The following RAPGEF1 variants were observed in gnomAD, a reference collection of about 807,000 sequenced individuals.
RAPGEF1 encodes Rap guanine nucleotide exchange factor 1.
A neutral mutation model predicts 143.3 loss-of-function variants in RAPGEF1; 33 were observed. The ratio of observed to expected loss-of-function variants is 0.23; its 90% CI spans 0.17 to 0.31. The LOEUF is 0.31. Among genes scored for constraint, RAPGEF1 ranks in the 10% least tolerant of loss-of-function variants. The pLI is 1.00. For missense variants in RAPGEF1, 1,199 were observed against 1,645.4 expected (o/e 0.73, Z 4.69); for synonymous variants, 629 against 676.5 (o/e 0.93, Z 1.09).
chr9:131,634,668 A>C (rs986723842), intron 5 of RAPGEF1, among the ~76,000 whole-genome samples: 2 of 126,260 alleles, frequency 1.6e-5, no homozygotes, highest in Admixed American at 9.5e-5. Context: ...AGCCCAGATC[A>C]TGCCATTGCA....
At chr9:131,691,631 G>A (rs538392773) in intron 1 of RAPGEF1, among the ~76,000 whole-genome samples, 72 of 152,228 alleles carry the variant, frequency 4.7e-4, no homozygotes, top group Non-Finnish European at 7.8e-4. Context: ...GGAGATTCAT[G>A]GAAAGGATGG....
intron 12 of RAPGEF1, among the ~76,000 whole-genome samples, chr9:131,616,325 T>C (rs1392522261): frequency 6.6e-6 from 1 of 151,984 alleles, no homozygotes; most frequent in Non-Finnish European, 1.5e-5. Flanking sequence ...TTAATTAATA[T>C]GTGTGCAGAT....
rs111994872 is a variant in RAPGEF1 at position 131,628,432 on chromosome 9, C to T, written c.1017+117G>A. 1.6e-4 allele frequency: 217 copies of T among 1,372,196 alleles called. No individual in the cohort carries two copies. The African/African-American group carries it at 2.5e-3, about 16-fold the overall frequency. The allele number at this position is 1,372,196 out of a possible 1,614,324, so 85.0% of individuals were successfully genotyped here. A position where few individuals can be genotyped will look rare whatever the true frequency, so the allele number is the denominator to read the frequency against. ...GATGGGTACAAGGTCTCGCACTCCT[C>T]GATGTGACAAACACCAGCGCCTGAA... On this transcript the variant is annotated intron_variant, in intron 8 of 26. Transcript: ENST00000683357. This position sits in a 1 kb window ranked among gnomAD's most constrained non-coding sequence, Gnocchi z 5.7.
intron 1 of RAPGEF1, among the ~76,000 whole-genome samples, chr9:131,733,990 T>C: frequency 6.6e-6 from 1 of 152,264 alleles, no homozygotes. Flanking sequence ...CACACTTAGC[T>C]GGCATTAGTG....
intron 1 of RAPGEF1, among the ~76,000 whole-genome samples, chr9:131,724,367 A>G (rs1052309341): frequency 6.6e-6 from 1 of 152,194 alleles, no homozygotes; most frequent in African/African-American, 2.4e-5. Context: ...AGGCCGAGGC[A>G]GGTGGATCAC....
At chr9:131,708,226 T>C (rs1220207784) in intron 1 of RAPGEF1, among the ~76,000 whole-genome samples, 1 of 152,182 alleles carries the variant, frequency 6.6e-6, no homozygotes, top group Non-Finnish European at 1.5e-5. Context: ...AACACACCCA[T>C]ATATGCAGTT....
At chr9:131,615,691 G>A (rs866627507) in intron 12 of RAPGEF1, among the ~76,000 whole-genome samples, 1 of 152,070 alleles carries the variant, frequency 6.6e-6, no homozygotes, top group African/African-American at 2.4e-5. Flanking sequence ...TGACCTTCCC[G>A]AATGGATGCT....
chr9:131,649,505 T>C (rs188371082), intron 3 of RAPGEF1, among the ~76,000 whole-genome samples: 1 of 152,306 alleles, frequency 6.6e-6, no homozygotes, highest in African/African-American at 2.4e-5. Context: ...TTGCCACCTT[T>C]TTGCTGTGCG....
chr9:131,592,956 T>G (rs1237976706), intron 17 of RAPGEF1, among the ~76,000 whole-genome samples: 1 of 152,202 alleles, frequency 6.6e-6, no homozygotes, highest in Non-Finnish European at 1.5e-5. Context: ...TTGGCCAGGC[T>G]AGTCTCAAAC....
At chr9:131,672,550 ACT>A (rs1383936902) in intron 1 of RAPGEF1, among the ~76,000 whole-genome samples, 2 of 152,150 alleles carry the variant, frequency 1.3e-5, no homozygotes, top group African/African-American at 4.8e-5. Flanking sequence ...TGTGAGAAGC[ACT>A]GTTTCAGAAG....
At position 131,595,398 on chromosome 9, in the gene RAPGEF1, G is replaced by A. The variant is rs142588913; in HGVS notation, c.2689+900C>T. On this transcript the variant is annotated intron_variant, in intron 17 of 26. Transcript: ENST00000683357. ...TTCAGAAATTCCCCGAGTCACTCTG[G>A]GTCACATGTTTTGGGAAACGTGCTG... Among the ~76,000 whole-genome samples, 6 of 152,296 alleles carry A rather than the reference G, an allele frequency of 3.9e-5. No homozygotes were observed. In the East Asian group the frequency reaches 1.2e-3, roughly 29 times the overall value.
At chr9:131,608,726 G>T (rs1278225742) in intron 12 of RAPGEF1, among the ~76,000 whole-genome samples, 1 of 152,196 alleles carries the variant, frequency 6.6e-6, no homozygotes. Context: ...AAAACCTTCT[G>T]ATCACCATGA....
At chr9:131,666,329 C>G (rs1048932781) in intron 1 of RAPGEF1, among the ~76,000 whole-genome samples, 1 of 152,152 alleles carries the variant, frequency 6.6e-6, no homozygotes, top group Admixed American at 6.5e-5. Flanking sequence ...AACGGACTCT[C>G]TGGACCAGTA....
rs539391906 is a variant in RAPGEF1, at chr9:131,695,433, C to T, written c.61+44337G>A. On this transcript the variant is annotated intron_variant, in intron 1 of 26. Coordinates refer to ENST00000683357, the MANE Select transcript of RAPGEF1 (RefSeq NM_001377935.1). ...GTGTAGAAGGGCCTCTTGGCACAACCGAAAAAGAGCAAAGCCATCTGAAGC... is the reference window on the plus strand; with the variant it reads ...GTGTAGAAGGGCCTCTTGGCACAACTGAAAAAGAGCAAAGCCATCTGAAGC... Among the ~76,000 whole-genome samples, 13 of 152,236 alleles carry T rather than the reference C, an allele frequency of 8.5e-5. 1 individual carries two copies. Among genetic ancestry groups the T allele is most frequent in the African/African-American group, 2.4e-4 (10 of 41,526 alleles).
intron 1 of RAPGEF1, among the ~76,000 whole-genome samples, chr9:131,689,498 G>A (rs375202909): frequency 7.9e-5 from 12 of 152,012 alleles, no homozygotes; most frequent in African/African-American, 2.4e-4. Context: ...GTTTATAGAC[G>A]GATTAAATCA....
chr9:131,638,335 G>A (rs915691034), intron 5 of RAPGEF1, among the ~76,000 whole-genome samples: 15 of 152,170 alleles, frequency 9.9e-5, no homozygotes, highest in African/African-American at 3.4e-4. Flanking sequence ...TTGTGAAAAC[G>A]ATCTCCATTG....
intron 9 of RAPGEF1, 116 bp downstream of exon 9, chr9:131,627,797 A>G: frequency 9.2e-7 from 1 of 1,089,738 alleles, no homozygotes; most frequent in Non-Finnish European, 1.3e-6. Flanking sequence ...ATTTTAAACA[A>G]GTCAGCCAAA....
At chr9:131,718,263 C>T (rs186817836) in intron 1 of RAPGEF1, among the ~76,000 whole-genome samples, 2 of 152,242 alleles carry the variant, frequency 1.3e-5, no homozygotes, top group Admixed American at 6.5e-5. Context: ...GACACAGTGA[C>T]GGGGAGAGGG....
chr9:131,648,415 AC>A (rs1330628239), intron 3 of RAPGEF1, among the ~76,000 whole-genome samples: 2 of 152,146 alleles, frequency 1.3e-5, no homozygotes, highest in African/African-American at 2.4e-5. Context: ...AAACAAAAAA[AC>A]AACAAAAACA....
Sources: gnomAD v4.1 joint callset for allele counts (sites outside exome capture counted in the v4.1 genomes callset) on GRCh38, gnomAD v4.1.1 for gene constraint, Gnocchi (gnomAD v3.1) non-coding constraint, MANE v1.5 for transcripts, NCBI Gene and HGNC (gene_info 2026-07-23, HGNC 2026-07-21) for gene names.